Variants in LRMDA observed in about 807,000 individuals in gnomAD.
LRMDA encodes the protein leucine-rich melanocyte differentiation-associated protein.
A neutral mutation model predicts 29.8 loss-of-function variants in LRMDA; 18 were observed. That is an observed-to-expected ratio of 0.60 (90% CI 0.42 to 0.90). The LOEUF is 0.90. LRMDA is among the 40% of genes least tolerant of loss of function. The pLI is 0.00. For synonymous variants in LRMDA, 125 were observed against 109.4 expected, an observed-to-expected ratio of 1.14 and a Z score of -0.89; for missense variants, 273 against 273.9, an observed-to-expected ratio of 1.00 and a Z score of 0.02.
chr10:75,644,701 A>G (rs984768850), intron 2 of LRMDA, among the ~76,000 whole-genome samples: 2 of 152,128 alleles, frequency 1.3e-5, no homozygotes, highest in African/African-American at 4.8e-5. Context: ...AAAAGCCTGC[A>G]GATCACACTG....
chr10:75,768,018 C>G (rs1210436464), intron 2 of LRMDA, among the ~76,000 whole-genome samples: 1 of 152,206 alleles, frequency 6.6e-6, no homozygotes, highest in Non-Finnish European at 1.5e-5. Context: ...CTGGAAAAGG[C>G]AAGGGTCAGA....
At chr10:75,813,616 C>A (rs1192825775) in intron 2 of LRMDA, among the ~76,000 whole-genome samples, 1 of 152,176 alleles carries the variant, frequency 6.6e-6, no homozygotes, top group African/African-American at 2.4e-5. Context: ...ATACGCGTTA[C>A]TCCACAGGTC....
rs557393049 is a variant in LRMDA at position 75,546,242 on chromosome 10, C to T, written c.131+107748C>T. 8.5e-5 allele frequency among the ~76,000 whole-genome samples: 13 copies of T among 152,266 alleles called. No individual in the cohort carries two copies. In the East Asian group the frequency reaches 9.7e-4, roughly 11 times the overall value. ...ACTGAGCTCTAGTGTTTCAAGCATT[C>T]TCCATTTGCAAGATGGTGGGTGAGG... On this transcript the variant is annotated intron_variant, in intron 2 of 6. Coordinates refer to ENST00000611255, the MANE Select transcript of LRMDA (RefSeq NM_001305581.2).
At chr10:76,385,083 G>A (rs921694582) in intron 6 of LRMDA, among the ~76,000 whole-genome samples, 6 of 152,126 alleles carry the variant, frequency 3.9e-5, no homozygotes, top group Non-Finnish European at 8.8e-5. Context: ...TCTACTTAAG[G>A]CATTAAGTGT....
At chr10:76,243,843 T>C (rs988850981) in intron 5 of LRMDA, among the ~76,000 whole-genome samples, 3 of 152,138 alleles carry the variant, frequency 2.0e-5, no homozygotes, top group Non-Finnish European at 4.4e-5. Context: ...ATCCTATCCC[T>C]GGGACCTGTG....
At chr10:75,866,578 G>A (rs1845024211) in intron 2 of LRMDA, among the ~76,000 whole-genome samples, 1 of 152,204 alleles carries the variant, frequency 6.6e-6, no homozygotes, top group African/African-American at 2.4e-5. Context: ...CAGGAAGTTT[G>A]CTCAGGTTTT....
rs143559538 is a variant in LRMDA at position 76,319,413 on chromosome 10, T to A, written c.517-4988T>A. Among the ~76,000 whole-genome samples the A allele has an allele frequency of 9.7e-4, 148 of 152,306 alleles. 3 individuals carry two copies. The East Asian group carries it at 0.024, about 25-fold the overall frequency. On this transcript the variant is annotated intron_variant, in intron 5 of 6. Transcript: ENST00000611255. ...AAGGGCGTAACTACTGTTATAGGTG[T>A]TTAGATGTCATAATCAAAGTCAGGG... is the stretch of plus-strand genomic sequence containing the variant.
At position 75,691,003 on chromosome 10, in the gene LRMDA, A is replaced by G. The variant is rs1393184650; in HGVS notation, c.131+252509A>G. Among the ~76,000 whole-genome samples, 27 of 136,974 alleles carry G rather than the reference A, an allele frequency of 2.0e-4. 1 individual carries two copies. The highest frequency in any genetic ancestry group is 6.9e-4 in the African/African-American group (25 of 36,006). 89.9% of individuals were successfully genotyped at this position (136,974 alleles called of 152,430 possible). On this transcript the variant is annotated intron_variant, in intron 2 of 6. Coordinates refer to ENST00000611255, the MANE Select transcript of LRMDA (RefSeq NM_001305581.2). ...AATATATATATATATATACACACACACACACACACACACACACACACACAC... is the reference window on the plus strand; with the variant it reads ...AATATATATATATATATACACACACGCACACACACACACACACACACACAC...
intron 2 of LRMDA, among the ~76,000 whole-genome samples, chr10:75,972,869 AGGGGCTGGGGCT>A (rs769773435): frequency 2.0e-5 from 3 of 151,946 alleles, no homozygotes; most frequent in African/African-American, 4.8e-5. Flanking sequence ...TAGGCATGTG[AGGGGCTGGGGCT>A]GGGGCTGGGG....
rs529845246 is a variant in LRMDA, at chr10:75,598,518, CCTT to C, written c.131+160027_131+160029del. On this transcript the variant is annotated intron_variant, in intron 2 of 6. Coordinates refer to ENST00000611255, the MANE Select transcript of LRMDA (RefSeq NM_001305581.2). ...TCTGAGAGAGCTGTCCATGACATCT[CCTT>C]CTACTTCAATTATTTAAAGAAAAAA... 2.1e-4 allele frequency among the ~76,000 whole-genome samples: 32 copies of C among 152,056 alleles called. No homozygotes were observed. In the South Asian group the frequency reaches 4.6e-3, roughly 22 times the overall value.
At chr10:76,426,300 G>A (rs963694705) in intron 6 of LRMDA, among the ~76,000 whole-genome samples, 2 of 152,172 alleles carry the variant, frequency 1.3e-5, no homozygotes, top group African/African-American at 2.4e-5. Flanking sequence ...TATTCTAACT[G>A]GTGTGAGATG....
intron 2 of LRMDA, among the ~76,000 whole-genome samples, chr10:75,564,051 C>T (rs942915562): frequency 9.9e-5 from 15 of 152,214 alleles, no homozygotes; most frequent in Non-Finnish European, 2.2e-4. Flanking sequence ...AGAACCACTG[C>T]TCTCTTCAAA....
chr10:76,208,897 T>C (rs1041495295), intron 5 of LRMDA, among the ~76,000 whole-genome samples: 1 of 152,110 alleles, frequency 6.6e-6, no homozygotes, highest in Non-Finnish European at 1.5e-5. Flanking sequence ...CTCACACTTG[T>C]AATCCTAGCA....
intron 1 of LRMDA, among the ~76,000 whole-genome samples, chr10:75,436,470 A>AG (rs1427589447): frequency 8.6e-5 from 13 of 151,176 alleles, no homozygotes; most frequent in African/African-American, 3.2e-4. Flanking sequence ...GAAGCTGCTG[A>AG]ATTTTTTTTT....
At chr10:76,074,250 G>A (rs1046301557) in intron 5 of LRMDA, among the ~76,000 whole-genome samples, 7 of 152,134 alleles carry the variant, frequency 4.6e-5, no homozygotes, top group Admixed American at 2.6e-4. Context: ...AGGATTTCAT[G>A]CATTTATTCC....
At chr10:75,737,507 C>A (rs554554400) in intron 2 of LRMDA, among the ~76,000 whole-genome samples, 1 of 152,166 alleles carries the variant, frequency 6.6e-6, no homozygotes, top group Admixed American at 6.5e-5. Context: ...GGTTTGGCAG[C>A]GGTTGAGCAA....
chr10:75,532,410 T>G (rs1018754811), intron 2 of LRMDA, among the ~76,000 whole-genome samples: 2 of 152,116 alleles, frequency 1.3e-5, no homozygotes, highest in Non-Finnish European at 2.9e-5. Flanking sequence ...CCAGATGTAA[T>G]TTTTGGGCCT....
chr10:76,495,704 T>C (rs1004423274), intron 6 of LRMDA, among the ~76,000 whole-genome samples: 1 of 152,016 alleles, frequency 6.6e-6, no homozygotes, highest in Non-Finnish European at 1.5e-5. Flanking sequence ...TTTTGTAATT[T>C]TTTTATACAA....
At chr10:76,390,020 C>G (rs1033648683) in intron 6 of LRMDA, among the ~76,000 whole-genome samples, 1 of 152,044 alleles carries the variant, frequency 6.6e-6, no homozygotes, top group Admixed American at 6.6e-5. Flanking sequence ...TTAAAATGGC[C>G]AGATTATGTA....
Sources: gnomAD v4.1 joint callset for allele counts (sites outside exome capture counted in the v4.1 genomes callset) on GRCh38, gnomAD v4.1.1 for gene constraint, MANE v1.5 for transcripts, NCBI Gene and HGNC (gene_info 2026-07-23, HGNC 2026-07-21) for gene names.